Variants in TRIO observed in about 807,000 individuals in gnomAD.
TRIO encodes trio Rho guanine nucleotide exchange factor.
A neutral mutation model predicts 351.9 loss-of-function variants in TRIO; 58 were observed. The observed-to-expected ratio is 0.16, with a 90% CI of 0.13 to 0.21. TRIO has a LOEUF of 0.21. Among genes scored for constraint, TRIO ranks in the 10% least tolerant of loss-of-function variants. TRIO has a pLI of 1.00. For missense variants in TRIO, 3,201 were observed against 4,027.8 expected (o/e 0.79, Z 5.56); for synonymous variants, 1,758 against 1,595.7 (o/e 1.10, Z -2.42).
intron 34 of TRIO, among the ~76,000 whole-genome samples, chr5:14,437,641 C>T (rs966285244): frequency 2.0e-5 from 3 of 151,564 alleles, no homozygotes; most frequent in African/African-American, 7.3e-5. Flanking sequence ...TCTGTGCCCT[C>T]ATCTCCTCTT....
chr5:14,403,165 TGTG>T (rs1260249211), intron 31 of TRIO, among the ~76,000 whole-genome samples: 29 of 50,902 alleles, frequency 5.7e-4, no homozygotes, highest in South Asian at 7.6e-4. Flanking sequence ...GGTTGTAGGT[TGTG>T]GTGAGGGTGC....
At chr5:14,170,853 A>G (rs993089084) in intron 1 of TRIO, among the ~76,000 whole-genome samples, 3 of 152,218 alleles carry the variant, frequency 2.0e-5, no homozygotes, top group African/African-American at 7.2e-5. Context: ...CTAGGGAACT[A>G]TCTTTATCAC....
intron 48 of TRIO, chr5:14,488,962 G>C: frequency 1.3e-6 from 1 of 764,688 alleles, no homozygotes. Flanking sequence ...TCAAGCACAA[G>C]GGTTGCTGTG....
intron 36 of TRIO, 110 bp downstream of exon 36, chr5:14,463,035 TGG>T: frequency 7.4e-7 from 1 of 1,355,300 alleles, no homozygotes; most frequent in Non-Finnish European, 9.7e-7. Flanking sequence ...CCCCAAGATG[TGG>T]AAAAGGGCAA....
At chr5:14,416,909 T>G (rs1041413427) in intron 33 of TRIO, among the ~76,000 whole-genome samples, 1 of 152,208 alleles carries the variant, frequency 6.6e-6, no homozygotes, top group African/African-American at 2.4e-5. Flanking sequence ...GGGTTTCTGC[T>G]GGGAGCTTCT....
At chr5:14,174,881 C>T (rs1419468013) in intron 1 of TRIO, among the ~76,000 whole-genome samples, 1 of 152,200 alleles carries the variant, frequency 6.6e-6, no homozygotes, top group African/African-American at 2.4e-5. Context: ...TGTGACTTTT[C>T]ACCTGTGGAT....
At chr5:14,386,402 A>AC (rs1746546784) in intron 21 of TRIO, among the ~76,000 whole-genome samples, 1 of 152,262 alleles carries the variant, frequency 6.6e-6, no homozygotes, top group Non-Finnish European at 1.5e-5. Flanking sequence ...TTCACAGGTT[A>AC]CCCAGTGAAT....
intron 1 of TRIO, among the ~76,000 whole-genome samples, chr5:14,207,661 C>G (rs1004583716): frequency 6.6e-6 from 1 of 151,858 alleles, no homozygotes; most frequent in South Asian, 2.1e-4. Context: ...GAGCTGTGAT[C>G]GTGCCACTGT....
chr5:14,279,135 T>C (rs540960434), intron 2 of TRIO, among the ~76,000 whole-genome samples: 156 of 152,336 alleles, frequency 1.0e-3, no homozygotes, highest in Non-Finnish European at 1.6e-3. Context: ...ACCTAAATTA[T>C]TGGATTTAGA....
intron 1 of TRIO, among the ~76,000 whole-genome samples, chr5:14,234,658 A>G (rs1299744808): frequency 6.6e-6 from 1 of 152,258 alleles, no homozygotes; most frequent in Non-Finnish European, 1.5e-5. Flanking sequence ...ATACAAGTAA[A>G]GGGAAGCCTT....
At position 14,181,587 on chromosome 5, in the gene TRIO, C is replaced by T. The variant is rs79740735; in HGVS notation, c.157+37705C>T. 4.8e-3 allele frequency among the ~76,000 whole-genome samples: 727 copies of T among 152,296 alleles called. 12 individuals are homozygous for T. The highest frequency in any genetic ancestry group is 0.032 in the Admixed American group (496 of 15,298). Reference sequence around the variant, plus strand: ...GGGGGGCGTAGTCTGTGAGATGGCACGTGGGACCACTCACACAGGACCTGT... The same window carrying T: ...GGGGGGCGTAGTCTGTGAGATGGCATGTGGGACCACTCACACAGGACCTGT... On this transcript the variant is annotated intron_variant, in intron 1 of 56. Transcript: ENST00000344204.
chr5:14,293,101 G>A lies in TRIO; in HGVS notation c.1143G>A (p.Gln381=). ...GTSHPHAMEL[Q]TQHNHFAMNC... The stretch of plus-strand genomic sequence containing the variant: ...GCCACCCTCATGCCATGGAGCTTCA[G>A]ACGCAGCACAATCACTTTGCCATGA... The change falls in exon 6 of 57, where the codon CAG becomes CAA. Residue 381 remains glutamine, a synonymous_variant. Coordinates refer to ENST00000344204, the MANE Select transcript of TRIO (RefSeq NM_007118.4). The A allele has an allele frequency of 1.2e-6, 2 of 1,614,192 alleles. No individual in the cohort carries two copies. The highest frequency in any genetic ancestry group is 1.7e-6 in the Non-Finnish European group (2 of 1,180,028).
At chr5:14,176,865 G>A (rs1459559235) in intron 1 of TRIO, among the ~76,000 whole-genome samples, 2 of 152,184 alleles carry the variant, frequency 1.3e-5, no homozygotes, top group Non-Finnish European at 2.9e-5. Context: ...TTAAGTCACA[G>A]GCACTTGAAA....
Position 14,407,715 on chromosome 5 carries a change from A to G in TRIO, c.4959+1043A>G, listed in dbSNP as rs1332940106. Among the ~76,000 whole-genome samples, 5 of 152,254 alleles carry G rather than the reference A, an allele frequency of 3.3e-5. No individual in the cohort carries two copies. In the East Asian group the frequency reaches 7.7e-4, roughly 23 times the overall value. On this transcript the variant is annotated intron_variant, in intron 33 of 56. Coordinates refer to ENST00000344204, the MANE Select transcript of TRIO (RefSeq NM_007118.4). ...GGTGTATCTTCTTCAGAAGCAGCCTAGAGTATCTCATGATTTTGTCTGATA... is the reference window on the plus strand; with the variant it reads ...GGTGTATCTTCTTCAGAAGCAGCCTGGAGTATCTCATGATTTTGTCTGATA...
intron 1 of TRIO, among the ~76,000 whole-genome samples, chr5:14,193,776 G>A (rs116658340): frequency 1.4e-3 from 220 of 152,126 alleles, no homozygotes; most frequent in African/African-American, 5.0e-3. Flanking sequence ...ACTAATTTAC[G>A]CGAAACTGGA....
chr5:14,174,803 C>G (rs1050652259), intron 1 of TRIO, among the ~76,000 whole-genome samples: 1 of 152,162 alleles, frequency 6.6e-6, no homozygotes, highest in African/African-American at 2.4e-5. Context: ...TGAATTATAT[C>G]TTTATTTTCG....
chr5:14,182,999 C>A (rs1480844704), intron 1 of TRIO, among the ~76,000 whole-genome samples: 1 of 152,160 alleles, frequency 6.6e-6, no homozygotes, highest in Non-Finnish European at 1.5e-5. Context: ...TGGGCCAGGG[C>A]CCCATCCTTT....
At chr5:14,452,330 A>AT (rs1752902471) in intron 34 of TRIO, among the ~76,000 whole-genome samples, 1 of 152,196 alleles carries the variant, frequency 6.6e-6, no homozygotes, top group South Asian at 2.1e-4. Flanking sequence ...GTATTCCCTC[A>AT]TACTGTGTTA....
chr5:14,279,739 A>G lies in TRIO; in HGVS notation c.233-583A>G, dbSNP rs565946689. Among the ~76,000 whole-genome samples the G allele has an allele frequency of 3.9e-5, 6 of 152,340 alleles. No individual in the cohort carries two copies. The South Asian group carries it at 8.3e-4, about 21-fold the overall frequency. On this transcript the variant is annotated intron_variant, in intron 2 of 56. Coordinates refer to ENST00000344204, the MANE Select transcript of TRIO (RefSeq NM_007118.4). The stretch of plus-strand genomic sequence containing the variant: ...AAATCCTTAAGCTAATTAGCTTTAA[A>G]ATTCTCATGTGGTTCTCTCACATGC...
Sources: allele counts gnomAD v4.1 joint callset (sites outside exome capture counted in the v4.1 genomes callset), GRCh38; gene constraint gnomAD v4.1.1; transcripts MANE v1.5; gene names NCBI Gene and HGNC (gene_info 2026-07-23, HGNC 2026-07-21).